The following KCNG2 variants were observed in gnomAD, a reference collection of about 807,000 sequenced individuals.
The protein encoded by KCNG2 is voltage-gated potassium channel regulatory subunit KCNG2.
Under a neutral mutation model 12.3 loss-of-function variants are expected in KCNG2, and 7 were observed. That is an observed-to-expected ratio of 0.57 (90% confidence interval 0.32 to 1.07). KCNG2 has a LOEUF of 1.07. KCNG2 is among the 50% of genes least tolerant of loss of function. The pLI is 0.04. For synonymous variants in KCNG2, 414 were observed against 351.4 expected (o/e 1.18, Z -1.99); for missense variants, 703 against 726.0 (o/e 0.97, Z 0.36).
At chr18:79,866,592 G>A (rs1979567622) in intron 3 of KCNG2, among the ~76,000 whole-genome samples, 1 of 147,786 alleles carries the variant, frequency 6.8e-6, no homozygotes. Flanking sequence ...TGAGAGGTCT[G>A]GTTGCTGAGG....
intron 3 of KCNG2, among the ~76,000 whole-genome samples, chr18:79,888,875 C>T (rs1323320239): frequency 6.6e-6 from 1 of 152,026 alleles, no homozygotes; most frequent in Non-Finnish European, 1.5e-5. Context: ...GACAGGTTTT[C>T]ACCATGTTAC....
In KCNG2 at chr18:79,899,377, A is replaced by C; in HGVS notation, c.962A>C (p.Glu321Ala). 1 of 1,562,986 alleles carries C rather than the reference A, an allele frequency of 6.4e-7. No individual in the cohort carries two copies. The highest frequency in any genetic ancestry group is 8.6e-7 in the Non-Finnish European group (1 of 1,160,424). Residue 321 changes from glutamate (E) to alanine (A), a missense_variant, in exon 4 of 4, where the codon GAG (glutamate) becomes GCG (alanine). Transcript: ENST00000316249. ...CTGACCATGCGCCGCTGCGCGCGCG[A>C]GTTCGGGCTGCTGCTGCTGTTCCTC... ...LGLTMRRCAR[E>A]FGLLLLFLCV...
At chr18:79,842,003 C>T (rs905184683) in intron 1 of KCNG2, among the ~76,000 whole-genome samples, 4 of 152,240 alleles carry the variant, frequency 2.6e-5, no homozygotes, top group Non-Finnish European at 5.9e-5. Context: ...GTCCCTCCCC[C>T]TCCCCAGAGT....
At chr18:79,848,488 G>A (rs1459591265) in intron 1 of KCNG2, among the ~76,000 whole-genome samples, 6 of 152,280 alleles carry the variant, frequency 3.9e-5, no homozygotes, top group African/African-American at 1.4e-4. Context: ...CCTCAGTGTC[G>A]GCCTCTCCCC....
chr18:79,863,232 T>G (rs2123065547), intron 2 of KCNG2, among the ~76,000 whole-genome samples: 1 of 152,354 alleles, frequency 6.6e-6, no homozygotes. Context: ...CGTGAGAAAC[T>G]AAGCTAGGAC....
chr18:79,883,666 A>C (rs966356710), intron 3 of KCNG2, among the ~76,000 whole-genome samples: 1 of 152,178 alleles, frequency 6.6e-6, no homozygotes, highest in African/African-American at 2.4e-5. Context: ...GTGAACGATG[A>C]GGAGGGGCCT....
chr18:79,881,443 A>G (rs1011411480), intron 3 of KCNG2, among the ~76,000 whole-genome samples: 3 of 152,092 alleles, frequency 2.0e-5, no homozygotes, highest in Non-Finnish European at 4.4e-5. Flanking sequence ...AGCTTAAGAA[A>G]ATTAAGGGAG....
At chr18:79,817,609 TCA>T (rs1399662105) in intron 1 of KCNG2, among the ~76,000 whole-genome samples, 1 of 152,206 alleles carries the variant, frequency 6.6e-6, no homozygotes, top group Non-Finnish European at 1.5e-5. Flanking sequence ...CACCTGGCTG[TCA>T]CACACGCGGG....
At chr18:79,892,042 G>C (rs981244971) in intron 3 of KCNG2, among the ~76,000 whole-genome samples, 1 of 151,402 alleles carries the variant, frequency 6.6e-6, no homozygotes, top group Non-Finnish European at 1.5e-5. Flanking sequence ...TTGAACCTGG[G>C]AGGCAGAGGT....
rs56400625 is a variant in KCNG2 at position 79,827,339 on chromosome 18, G to A, written c.-114-29040G>A. On this transcript the variant is annotated intron_variant, in intron 1 of 3. Coordinates refer to ENST00000316249, the MANE Select transcript of KCNG2 (RefSeq NM_012283.2). ...TAAGCCTCCTTTCGTTTTCCCTGGC[G>A]GTGTCAGCATCGTGCCTCTAAAGAG... Among the ~76,000 whole-genome samples, 1,229 of 152,346 alleles carry A rather than the reference G, an allele frequency of 8.1e-3. 9 individuals are homozygous for A. Among genetic ancestry groups the A allele is most frequent in the Middle Eastern group, 0.044 (13 of 294 alleles).
At chr18:79,829,927 T>C (rs907096800) in intron 1 of KCNG2, among the ~76,000 whole-genome samples, 1 of 152,234 alleles carries the variant, frequency 6.6e-6, no homozygotes, top group African/African-American at 2.4e-5. Flanking sequence ...TGCGAAGCTA[T>C]TATGTTTTCA....
chr18:79,838,519 T>C (rs1453568779), intron 1 of KCNG2, among the ~76,000 whole-genome samples: 1 of 151,946 alleles, frequency 6.6e-6, no homozygotes, highest in Non-Finnish European at 1.5e-5. Flanking sequence ...CCAGCAGTCC[T>C]TCAACCTCAG....
intron 3 of KCNG2, among the ~76,000 whole-genome samples, chr18:79,878,871 C>T (rs774322599): frequency 1.3e-5 from 2 of 152,218 alleles, no homozygotes; most frequent in Non-Finnish European, 2.9e-5. Flanking sequence ...TGTTGTGGAG[C>T]GAGACCTGTG....
Position 79,800,266 on chromosome 18 carries a change from T to C in KCNG2, c.-115+2252T>C, listed in dbSNP as rs2087397929. The stretch of plus-strand genomic sequence containing the variant: ...CAGGGCATCCAGGGACGGCCACCTG[T>C]GTCTGAGTACTGCGCGCCTGTCCAC... On this transcript the variant is annotated intron_variant, in intron 1 of 3. Coordinates refer to ENST00000316249, the MANE Select transcript of KCNG2 (RefSeq NM_012283.2). The surrounding 1 kb of genome is among the most constrained non-coding windows in gnomAD (Gnocchi z 4.0). 6.6e-6 allele frequency among the ~76,000 whole-genome samples: 1 copy of C among 152,068 alleles called. No individual in the cohort carries two copies. The highest frequency in any genetic ancestry group is 1.5e-5 in the Non-Finnish European group (1 of 68,016).
At chr18:79,801,952 C>T (rs1050306332) in intron 1 of KCNG2, among the ~76,000 whole-genome samples, 2 of 152,162 alleles carry the variant, frequency 1.3e-5, no homozygotes, top group Non-Finnish European at 2.9e-5. Flanking sequence ...TCTGGGGACC[C>T]CTTCGCCAGG....
chr18:79,843,140 A>G (rs1175744042), intron 1 of KCNG2, among the ~76,000 whole-genome samples: 1 of 152,232 alleles, frequency 6.6e-6, no homozygotes, highest in Non-Finnish European at 1.5e-5. Context: ...GAACTTCCCC[A>G]TAAGAATATT....
intron 1 of KCNG2, among the ~76,000 whole-genome samples, chr18:79,842,807 A>G (rs1054749414): frequency 7.9e-5 from 12 of 152,208 alleles, no homozygotes; most frequent in African/African-American, 2.7e-4. Flanking sequence ...ATTTGTAGTT[A>G]TTCAATCAGA....
At chr18:79,873,155 G>A (rs992439159) in intron 3 of KCNG2, among the ~76,000 whole-genome samples, 1 of 152,184 alleles carries the variant, frequency 6.6e-6, no homozygotes, top group Non-Finnish European at 1.5e-5. Context: ...ACAGGAATGA[G>A]AGTTCTTGCT....
intron 3 of KCNG2, among the ~76,000 whole-genome samples, chr18:79,871,941 G>T (rs1008407115): frequency 6.6e-6 from 1 of 152,248 alleles, no homozygotes; most frequent in Non-Finnish European, 1.5e-5. Context: ...AGGGCCAGCT[G>T]CTCTGGGGCC....
Sources: allele counts gnomAD v4.1 joint callset (sites outside exome capture counted in the v4.1 genomes callset), GRCh38; gene constraint gnomAD v4.1.1; non-coding constraint Gnocchi (gnomAD v3.1); transcripts MANE v1.5; gene names NCBI Gene and HGNC (gene_info 2026-07-23, HGNC 2026-07-21).